Variants in PTPRD observed in about 807,000 individuals in gnomAD.
PTPRD encodes receptor-type tyrosine-protein phosphatase delta.
In PTPRD, 34 loss-of-function variants were observed where a neutral mutation model predicts 214.5. The ratio of observed to expected loss-of-function variants is 0.16; its 90% confidence interval spans 0.12 to 0.21. The LOEUF is 0.21. Ranked by LOEUF, PTPRD falls within the 10% of genes least tolerant of loss-of-function variation. The pLI is 1.00. For synonymous variants in PTPRD, 1,128 were observed against 845.7 expected (o/e 1.33, Z -5.79); for missense variants, 2,545 against 2,398.7 (o/e 1.06, Z -1.27).
At chr9:9,029,007 C>G (rs2099596189) in intron 10 of PTPRD, among the ~76,000 whole-genome samples, 1 of 151,848 alleles carries the variant, frequency 6.6e-6, no homozygotes, top group Non-Finnish European at 1.5e-5. Flanking sequence ...CTACAGAGCA[C>G]TTCAACTGTG....
chr9:8,850,727 A>G (rs1035117545), intron 11 of PTPRD, among the ~76,000 whole-genome samples: 7 of 152,338 alleles, frequency 4.6e-5, no homozygotes, highest in Non-Finnish European at 7.4e-5. Context: ...CAACCAGAGA[A>G]GTCTGAATTG....
chr9:8,870,686 A>AC (rs1256822857), intron 11 of PTPRD, among the ~76,000 whole-genome samples: 2 of 125,998 alleles, frequency 1.6e-5, no homozygotes, highest in East Asian at 2.3e-4. Context: ...CACAGACATG[A>AC]AACACACACA....
At position 10,405,813 on chromosome 9, in the gene PTPRD, C is replaced by T. The variant is rs146142012; in HGVS notation, c.-599-64796G>A. Among the ~76,000 whole-genome samples, 26 of 150,996 alleles carry T rather than the reference C, an allele frequency of 1.7e-4. No homozygotes were observed. The East Asian group carries it at 2.2e-3, about 13-fold the overall frequency. On this transcript the variant is annotated intron_variant, in intron 2 of 45. Transcript: ENST00000381196. ...CTAATTACATCAATTCAAGGGAAGACGATAGGCATCAAGATTTTATTAAAA... is the reference window on the plus strand; with the variant it reads ...CTAATTACATCAATTCAAGGGAAGATGATAGGCATCAAGATTTTATTAAAA...
At position 10,184,794 on chromosome 9, in the gene PTPRD, G is replaced by A. The variant is rs150322463; in HGVS notation, c.-544-151004C>T. Among the ~76,000 whole-genome samples, 331 of 152,316 alleles carry A rather than the reference G, an allele frequency of 2.2e-3. 3 individuals are homozygous for A. The highest frequency in any genetic ancestry group is 3.8e-3 in the African/African-American group (157 of 41,576). On this transcript the variant is annotated intron_variant, in intron 3 of 45. Coordinates refer to ENST00000381196, the MANE Select transcript of PTPRD (RefSeq NM_002839.4). ...CAAAGTGATAAATGCGAGGTTTCCT[G>A]AGGATCAAATAAGAGAAGGCATGTA...
chr9:10,184,151 G>A (rs372800086), intron 3 of PTPRD, among the ~76,000 whole-genome samples: 2 of 152,180 alleles, frequency 1.3e-5, no homozygotes, highest in African/African-American at 4.8e-5. Flanking sequence ...TAGGCCGGGT[G>A]CAGTGGGTCT....
intron 2 of PTPRD, among the ~76,000 whole-genome samples, chr9:10,420,486 A>C (rs2098535897): frequency 6.6e-6 from 1 of 151,684 alleles, no homozygotes; most frequent in African/African-American, 2.4e-5. Context: ...GGGGGAAATA[A>C]TCTCTTGCTG....
chr9:9,791,529 C>T (rs1345464528), intron 5 of PTPRD, among the ~76,000 whole-genome samples: 5 of 152,098 alleles, frequency 3.3e-5, no homozygotes, highest in Non-Finnish European at 2.9e-5. Context: ...TCTATCACCC[C>T]TGATGATAAG....
intron 9 of PTPRD, among the ~76,000 whole-genome samples, chr9:9,380,359 T>A (rs1418438044): frequency 6.6e-6 from 1 of 152,116 alleles, no homozygotes; most frequent in Non-Finnish European, 1.5e-5. Context: ...AATTTATTAT[T>A]TATATATTTG....
At chr9:9,067,446 T>C (rs2099736530) in intron 10 of PTPRD, among the ~76,000 whole-genome samples, 1 of 152,208 alleles carries the variant, frequency 6.6e-6, no homozygotes, top group African/African-American at 2.4e-5. Context: ...TGTGTCATAA[T>C]AGTGTACCAT....
chr9:10,437,009 A>G (rs1376781080), intron 2 of PTPRD, among the ~76,000 whole-genome samples: 1 of 151,822 alleles, frequency 6.6e-6, no homozygotes, highest in African/African-American at 2.4e-5. Flanking sequence ...TTTTGGAAGC[A>G]GTCCCTTAGC....
At chr9:9,669,149 A>G (rs562553758) in intron 7 of PTPRD, among the ~76,000 whole-genome samples, 1 of 152,292 alleles carries the variant, frequency 6.6e-6, no homozygotes, top group Admixed American at 6.5e-5. Context: ...ATTACTGGGT[A>G]TATACCCAAA....
chr9:10,349,043 C>T (rs1198712019), intron 2 of PTPRD, among the ~76,000 whole-genome samples: 1 of 151,990 alleles, frequency 6.6e-6, no homozygotes, highest in Non-Finnish European at 1.5e-5. Flanking sequence ...ACACCTGAAA[C>T]AAATGCATAT....
At chr9:9,555,118 G>A (rs769676033) in intron 8 of PTPRD, among the ~76,000 whole-genome samples, 1 of 152,012 alleles carries the variant, frequency 6.6e-6, no homozygotes, top group Admixed American at 6.6e-5. Context: ...TTTTGAGCAT[G>A]GACTTTAGAA....
At chr9:8,792,798 CCT>C (rs1321681978) in intron 11 of PTPRD, among the ~76,000 whole-genome samples, 2 of 152,070 alleles carry the variant, frequency 1.3e-5, no homozygotes, top group Admixed American at 6.5e-5. Context: ...CTTTTTTGCC[CCT>C]TTTTCCTTTT....
At chr9:8,999,091 T>C (rs1362996396) in intron 11 of PTPRD, among the ~76,000 whole-genome samples, 1 of 151,996 alleles carries the variant, frequency 6.6e-6, no homozygotes, top group Non-Finnish European at 1.5e-5. Context: ...GTGAACATTG[T>C]TGAAATGAAA....
At chr9:8,775,471 T>G (rs890369741) in intron 11 of PTPRD, among the ~76,000 whole-genome samples, 3 of 152,054 alleles carry the variant, frequency 2.0e-5, no homozygotes, top group African/African-American at 7.2e-5. Flanking sequence ...CAAAATTAGG[T>G]GAGATGCAGT....
At chr9:8,363,032 T>G (rs896766419) in intron 39 of PTPRD, among the ~76,000 whole-genome samples, 5 of 152,192 alleles carry the variant, frequency 3.3e-5, no homozygotes, top group African/African-American at 1.2e-4. Flanking sequence ...TGCCTACTGC[T>G]TTAGGAAGTA....
chr9:9,776,064 AT>A (rs2098796591), intron 5 of PTPRD, among the ~76,000 whole-genome samples: 1 of 151,778 alleles, frequency 6.6e-6, no homozygotes, highest in Admixed American at 6.6e-5. Flanking sequence ...CTAGTAAAAG[AT>A]TTCATCAAGT....
intron 8 of PTPRD, among the ~76,000 whole-genome samples, chr9:9,440,693 T>C (rs1041162205): frequency 7.9e-5 from 12 of 152,230 alleles, no homozygotes; most frequent in Non-Finnish European, 1.8e-4. Context: ...AATCTATTTG[T>C]TCATTAATCC....
Sources: allele counts gnomAD v4.1 joint callset (sites outside exome capture counted in the v4.1 genomes callset), GRCh38; gene constraint gnomAD v4.1.1; transcripts MANE v1.5; gene names NCBI Gene and HGNC (gene_info 2026-07-23, HGNC 2026-07-21).